The following RCAN1 variants were observed in gnomAD, a reference collection of about 807,000 sequenced individuals.
RCAN1 encodes the protein calcipressin-1.
RCAN1 carries 11 observed loss-of-function variants against 22.9 expected under a neutral mutation model. That is an observed-to-expected ratio of 0.48 (90% CI 0.30 to 0.79). RCAN1 has a LOEUF of 0.79. Among genes scored for constraint, RCAN1 ranks in the 30% least tolerant of loss-of-function variants. The pLI, the probability that RCAN1 is intolerant of heterozygous loss-of-function variation, is 0.06. For missense variants in RCAN1, 291 were observed against 337.8 expected, an observed-to-expected ratio of 0.86 and a Z score of 1.09; for synonymous variants, 136 against 142.3, an observed-to-expected ratio of 0.96 and a Z score of 0.32.
At chr21:34,547,976 G>A (rs1180763231) in intron 1 of RCAN1, among the ~76,000 whole-genome samples, 2 of 152,222 alleles carry the variant, frequency 1.3e-5, no homozygotes, top group Non-Finnish European at 2.9e-5. Flanking sequence ...GAAGTCAGGT[G>A]AGTAGAGTCC....
At chr21:34,520,049 T>G (rs1984386305) in intron 3 of RCAN1, among the ~76,000 whole-genome samples, 1 of 152,016 alleles carries the variant, frequency 6.6e-6, no homozygotes, top group Non-Finnish European at 1.5e-5. Context: ...TCATCGAAAA[T>G]CCAGAAAGCT....
chr21:34,550,681 C>T (rs1296808246), intron 1 of RCAN1, among the ~76,000 whole-genome samples: 3 of 152,184 alleles, frequency 2.0e-5, no homozygotes, highest in Non-Finnish European at 4.4e-5. Flanking sequence ...TTCATCATGG[C>T]AGCCCAAGCA....
intron 1 of RCAN1, among the ~76,000 whole-genome samples, chr21:34,592,220 C>T (rs966859193): frequency 1.3e-5 from 2 of 152,238 alleles, no homozygotes; most frequent in African/African-American, 2.4e-5. Context: ...CTCAGCCTCA[C>T]AGCCCACCTG....
At position 34,567,140 on chromosome 21, in the gene RCAN1, A is replaced by AT. The variant is rs71690074; in HGVS notation, c.253-43431dup. Among the ~76,000 whole-genome samples, 5 of 151,770 alleles carry AT rather than the reference A, an allele frequency of 3.3e-5. No homozygotes were observed. In the South Asian group the frequency reaches 6.2e-4, roughly 19 times the overall value. On this transcript the variant is annotated intron_variant, in intron 1 of 3. Coordinates refer to ENST00000313806, the MANE Select transcript of RCAN1 (RefSeq NM_004414.7). ...CTGTGGTTCTATGTAAAATTTCAAA[A>AT]TTTGTGTAGACACAAACAAAATGCT...
intron 3 of RCAN1, among the ~76,000 whole-genome samples, chr21:34,519,639 C>T (rs527708646): frequency 6.6e-5 from 10 of 152,092 alleles, no homozygotes; most frequent in Admixed American, 1.3e-4. Flanking sequence ...CCTCGTGATC[C>T]GCCTGCCTCA....
intron 1 of RCAN1, among the ~76,000 whole-genome samples, chr21:34,563,726 T>A (rs983518674): frequency 7.3e-6 from 1 of 136,390 alleles, no homozygotes; most frequent in Non-Finnish European, 1.5e-5. Flanking sequence ...CTGGCCAACA[T>A]GGTGAAACCC....
At position 34,556,428 on chromosome 21, in the gene RCAN1, A is replaced by AT. The variant is rs1316977211; in HGVS notation, c.253-32719_253-32718insA. 3.9e-4 allele frequency among the ~76,000 whole-genome samples: 35 copies of AT among 89,094 alleles called. 1 individual carries two copies. The East Asian group carries it at 5.0e-3, about 13-fold the overall frequency. 58.4% of individuals were successfully genotyped at this position (89,094 alleles called of 152,430 possible). A position where few individuals can be genotyped will look rare whatever the true frequency, so the allele number is the denominator to read the frequency against. ...GTGACAGACTGAGACCTTGTCTCAAAAAATAATAATAATAATAATAATAAT... is the reference window on the plus strand; with the variant it reads ...GTGACAGACTGAGACCTTGTCTCAAATAAATAATAATAATAATAATAATAAT... On this transcript the variant is annotated intron_variant, in intron 1 of 3. Transcript: ENST00000313806.
intron 1 of RCAN1, among the ~76,000 whole-genome samples, chr21:34,561,199 C>A (rs1986778357): frequency 6.6e-6 from 1 of 152,188 alleles, no homozygotes; most frequent in South Asian, 2.1e-4. Context: ...TCAATTAAAC[C>A]TCTTTCCTTT....
intron 1 of RCAN1, among the ~76,000 whole-genome samples, chr21:34,577,830 A>T (rs1296723818): frequency 6.6e-6 from 1 of 152,178 alleles, no homozygotes; most frequent in Admixed American, 6.5e-5. Flanking sequence ...AATATGTAGG[A>T]GTGAGAGGGA....
chr21:34,568,611 G>A (rs923855689), intron 1 of RCAN1, among the ~76,000 whole-genome samples: 8 of 152,200 alleles, frequency 5.3e-5, no homozygotes, highest in East Asian at 3.9e-4. Flanking sequence ...CTAATCATAC[G>A]TGAAGGAGGT....
rs148286271 is a variant in RCAN1 at position 34,585,333 on chromosome 21, T to G, written c.252+29427A>C. Among the ~76,000 whole-genome samples, 379 of 152,372 alleles carry G rather than the reference T, an allele frequency of 2.5e-3. 3 individuals carry two copies. Among genetic ancestry groups the G allele is most frequent in the African/African-American group, 8.5e-3 (352 of 41,596 alleles). ...ATCAGCTTTAATTTTAAATTCATAT[T>G]AGACCTTAATAAAATAAGTCAAGGA... On this transcript the variant is annotated intron_variant, in intron 1 of 3. Transcript: ENST00000313806.
In RCAN1 at chr21:34,593,982, T is replaced by A. The variant is rs907821647; in HGVS notation, c.252+20778A>T. On this transcript the variant is annotated intron_variant, in intron 1 of 3. Transcript: ENST00000313806. ...AGGCGTGGGGCATGGATTCTTACCC[T>A]CTTATTTAGCAGTATAGGCAAGTCA... is the stretch of plus-strand genomic sequence containing the variant. 2.0e-5 allele frequency among the ~76,000 whole-genome samples: 3 copies of A among 152,204 alleles called. No individual in the cohort carries two copies. In the South Asian group the frequency reaches 6.2e-4, roughly 31 times the overall value.
chr21:34,534,530 T>G (rs1346653465), intron 1 of RCAN1, among the ~76,000 whole-genome samples: 2 of 152,042 alleles, frequency 1.3e-5, no homozygotes, highest in African/African-American at 4.8e-5. Context: ...TCCCCAGAGA[T>G]GTAGACAAAA....
At chr21:34,585,831 G>C (rs1472901106) in intron 1 of RCAN1, among the ~76,000 whole-genome samples, 1 of 150,752 alleles carries the variant, frequency 6.6e-6, no homozygotes, top group Non-Finnish European at 1.5e-5. Context: ...AAAACAAACA[G>C]TAAGATGACA....
intron 1 of RCAN1, among the ~76,000 whole-genome samples, chr21:34,552,965 T>C (rs976321760): frequency 6.6e-6 from 1 of 152,230 alleles, no homozygotes; most frequent in Non-Finnish European, 1.5e-5. Context: ...AATAGGATGA[T>C]AGAAGACTGG....
At chr21:34,567,233 C>A (rs558228661) in intron 1 of RCAN1, among the ~76,000 whole-genome samples, 13 of 152,188 alleles carry the variant, frequency 8.5e-5, no homozygotes, top group Non-Finnish European at 1.6e-4. Flanking sequence ...CGGTGGCTCA[C>A]GCCTGTAATC....
intron 1 of RCAN1, among the ~76,000 whole-genome samples, chr21:34,567,387 C>T (rs1987062658): frequency 6.6e-6 from 1 of 151,948 alleles, no homozygotes; most frequent in African/African-American, 2.4e-5. Context: ...GTCCCAGCTA[C>T]TCGGGAGACT....
At chr21:34,598,971 C>A (rs865996863) in intron 1 of RCAN1, among the ~76,000 whole-genome samples, 1 of 152,116 alleles carries the variant, frequency 6.6e-6, no homozygotes, top group Non-Finnish European at 1.5e-5. Flanking sequence ...TATCAGAGAT[C>A]CTGGCAATGA....
intron 1 of RCAN1, among the ~76,000 whole-genome samples, chr21:34,600,403 G>A (rs1939258720): frequency 1.3e-5 from 2 of 152,148 alleles, no homozygotes; most frequent in Admixed American, 6.5e-5. Flanking sequence ...GGTGCAGTAG[G>A]TGGAGATTTA....
Sources: gnomAD v4.1 joint callset for allele counts (sites outside exome capture counted in the v4.1 genomes callset) on GRCh38, gnomAD v4.1.1 for gene constraint, MANE v1.5 for transcripts, NCBI Gene and HGNC (gene_info 2026-07-23, HGNC 2026-07-21) for gene names.